Variants in PRORP observed in about 807,000 individuals in gnomAD.
PRORP encodes protein only RNase P catalytic subunit.
A neutral mutation model predicts 59.4 loss-of-function variants in PRORP; 51 were observed. The observed-to-expected ratio is 0.86, with a 90% CI of 0.69 to 1.08. PRORP has a LOEUF of 1.08. PRORP is among the 50% of genes least tolerant of loss of function. The probability of loss-of-function intolerance (pLI) is 0.00; values close to 1 mark genes in which losing one functional copy is unlikely to be tolerated. For synonymous variants in PRORP, 231 were observed against 245.6 expected (o/e 0.94, Z 0.55); for missense variants, 646 against 690.3 (o/e 0.94, Z 0.72).
intron 5 of PRORP, among the ~76,000 whole-genome samples, chr14:35,196,781 A>T (rs185737860): frequency 6.6e-6 from 1 of 151,948 alleles, no homozygotes; most frequent in East Asian, 1.9e-4. Context: ...CACTTCACCC[A>T]CTCCTGCCTT....
At chr14:35,239,222 G>A (rs894546445) in intron 5 of PRORP, among the ~76,000 whole-genome samples, 1 of 151,986 alleles carries the variant, frequency 6.6e-6, no homozygotes, top group African/African-American at 2.4e-5. Flanking sequence ...GCCAGGTGTG[G>A]TGGCAGGTGC....
At chr14:35,234,501 G>A (rs973796293) in intron 5 of PRORP, among the ~76,000 whole-genome samples, 2 of 152,034 alleles carry the variant, frequency 1.3e-5, no homozygotes, top group African/African-American at 4.8e-5. Context: ...ATATGATGCA[G>A]TAAGACACTC....
intron 5 of PRORP, chr14:35,262,490 A>C (rs1594354580): frequency 1.9e-6 from 1 of 529,456 alleles, no homozygotes; most frequent in Non-Finnish European, 3.4e-6. Context: ...CAGACTGTCA[A>C]CATTCCAGAA....
At position 35,266,800 on chromosome 14, in the gene PRORP, G is replaced by C. The variant is rs149443288; in HGVS notation, c.1349G>C (p.Arg450Thr). The C allele has an allele frequency of 7.4e-6, 12 of 1,614,058 alleles. No individual in the cohort carries two copies. The African/African-American group carries it at 1.5e-4, about 20-fold the overall frequency. Residue 450 changes from arginine to threonine, a missense_variant, in exon 6 of 8, where the codon AGA (arginine) becomes ACA (threonine). Transcript: ENST00000534898. ...LLVLGRKHML[R>T]RSSQWSRDEM... is the part of the protein sequence containing the mutation. ...GTCCTAGGCCGGAAGCACATGCTAA[G>C]ACGGAGTTCCCAGTGGAGTCGGGAT... is the stretch of plus-strand genomic sequence containing the variant.
At chr14:35,128,885 T>TGCTTTTCTAG (rs1311398441) in intron 4 of PRORP, among the ~76,000 whole-genome samples, 1 of 152,164 alleles carries the variant, frequency 6.6e-6, no homozygotes, top group African/African-American at 2.4e-5. Flanking sequence ...GGTTTACTCT[T>TGCTTTTCTAG]GCTTTTCTAG....
At chr14:35,202,514 A>G (rs2049182697) in intron 5 of PRORP, among the ~76,000 whole-genome samples, 2 of 152,160 alleles carry the variant, frequency 1.3e-5, no homozygotes, top group Admixed American at 6.5e-5. Flanking sequence ...GCAGTGGAGT[A>G]GGAAGGGCAC....
intron 5 of PRORP, among the ~76,000 whole-genome samples, chr14:35,200,720 A>G (rs2049127000): frequency 1.3e-5 from 2 of 151,808 alleles, no homozygotes; most frequent in African/African-American, 2.4e-5. Flanking sequence ...TTTATTTTAG[A>G]AAAGTTATAA....
chr14:35,192,478 G>GT (rs1304430478), intron 5 of PRORP, among the ~76,000 whole-genome samples: 5 of 152,132 alleles, frequency 3.3e-5, no homozygotes, highest in Non-Finnish European at 5.9e-5. Context: ...CTTCATAGTA[G>GT]TTTTTTGTGA....
At chr14:35,154,110 A>G (rs2047851954) in intron 4 of PRORP, among the ~76,000 whole-genome samples, 1 of 152,188 alleles carries the variant, frequency 6.6e-6, no homozygotes, top group Admixed American at 6.5e-5. Context: ...AGGCTTTCTA[A>G]CTAACACATA....
chr14:35,224,214 T>G (rs2049872421), intron 5 of PRORP, among the ~76,000 whole-genome samples: 1 of 152,190 alleles, frequency 6.6e-6, no homozygotes, highest in South Asian at 2.1e-4. Flanking sequence ...AACTTTTTTT[T>G]ATTTCCACCT....
Position 35,214,573 on chromosome 14 carries a change from CTT to C in PRORP, c.1275+33799_1275+33800del, listed in dbSNP as rs1327296410. 4.6e-5 allele frequency among the ~76,000 whole-genome samples: 7 copies of C among 152,194 alleles called. No homozygotes were observed. The East Asian group carries it at 7.7e-4, about 17-fold the overall frequency. ...ATGGACATGTTTTTCTAAAATAAGA[CTT>C]TTCTCCATCTTACATGGGTGTGGTT... On this transcript the variant is annotated intron_variant, in intron 5 of 7. Transcript: ENST00000534898.
chr14:35,236,078 A>C (rs182672169), intron 5 of PRORP, among the ~76,000 whole-genome samples: 1 of 143,696 alleles, frequency 7.0e-6, no homozygotes, highest in Admixed American at 7.1e-5. Context: ...CCTGGGCAAC[A>C]CAGCAAGACC....
intron 6 of PRORP, among the ~76,000 whole-genome samples, chr14:35,267,638 G>A (rs1321519873): frequency 1.3e-5 from 2 of 152,066 alleles, no homozygotes; most frequent in African/African-American, 4.8e-5. Context: ...AAAATTAACC[G>A]GGCATGGTGG....
chr14:35,145,898 G>A (rs1028452551), intron 4 of PRORP, among the ~76,000 whole-genome samples: 1 of 149,644 alleles, frequency 6.7e-6, no homozygotes, highest in Non-Finnish European at 1.5e-5. Context: ...GCACCGTCTC[G>A]GCTCACTGCA....
chr14:35,273,656 C>A lies in PRORP; in HGVS notation c.*90C>A. 8.3e-7 allele frequency: 1 copy of A among 1,206,780 alleles called. No individual in the cohort carries two copies. Among genetic ancestry groups the A allele is most frequent in the Non-Finnish European group, 1.1e-6 (1 of 871,592 alleles). The allele number at this position is 1,206,780 out of a possible 1,614,324, so 74.8% of individuals were successfully genotyped here. ...AGCTGGTGTTTGTTTAGGGCATTGC[C>A]TCTGTCCTGAAGATAAAAGGATTCT... On this transcript the variant is annotated 3_prime_UTR_variant, in exon 8 of 8. Coordinates refer to ENST00000534898, the MANE Select transcript of PRORP (RefSeq NM_014672.4).
At chr14:35,179,365 T>G (rs1159382077) in intron 4 of PRORP, among the ~76,000 whole-genome samples, 2 of 152,256 alleles carry the variant, frequency 1.3e-5, no homozygotes, top group African/African-American at 4.8e-5. Flanking sequence ...CCTGTCACTT[T>G]CAGGTACACC....
rs2051053486 is a variant in PRORP at position 35,266,792 on chromosome 14, C to T, written c.1341C>T (p.His447=). The stretch of plus-strand genomic sequence containing the variant: ...GACTGCTGGTCCTAGGCCGGAAGCA[C>T]ATGCTAAGACGGAGTTCCCAGTGGA... ...NLRLLVLGRK[H]MLRRSSQWSR... The change falls in exon 6 of 8, where the codon CAC becomes CAT. Residue 447 remains histidine, a synonymous_variant. Transcript: ENST00000534898. 1.2e-6 allele frequency: 2 copies of T among 1,614,142 alleles called. No homozygotes were observed. Among genetic ancestry groups the T allele is most frequent in the African/African-American group, 1.3e-5 (1 of 75,024 alleles).
At chr14:35,231,662 G>A (rs754452689) in intron 5 of PRORP, among the ~76,000 whole-genome samples, 10 of 152,088 alleles carry the variant, frequency 6.6e-5, no homozygotes, top group African/African-American at 2.4e-4. Context: ...AGATAGAGGC[G>A]CCAACTCTCT....
intron 5 of PRORP, among the ~76,000 whole-genome samples, chr14:35,215,918 C>T (rs1368544205): frequency 6.6e-6 from 1 of 151,678 alleles, no homozygotes; most frequent in South Asian, 2.1e-4. Context: ...AGGTGCCCAC[C>T]ACCACGCCTG....
Sources: allele counts gnomAD v4.1 joint callset (sites outside exome capture counted in the v4.1 genomes callset), GRCh38; gene constraint gnomAD v4.1.1; transcripts MANE v1.5; gene names NCBI Gene and HGNC (gene_info 2026-07-23, HGNC 2026-07-21).